Variants in BLTP3B observed in about 807,000 individuals in gnomAD.
BLTP3B encodes bridge-like lipid transfer protein family member 3B, also known as UHRF1 (ICBP90) binding protein 1-like.
the BLTP3B span, among the ~76,000 whole-genome samples, chr12:100,129,965 T>TC: frequency 7.2e-5 from 11 of 152,032 alleles, no homozygotes; most frequent in Admixed American, 2.0e-4. Context: ...TCCTTTTTCT[T>TC]CCCCCCCTTG....
the BLTP3B span, among the ~76,000 whole-genome samples, chr12:100,141,727 G>A: frequency 2.6e-5 from 4 of 152,022 alleles, no homozygotes; most frequent in African/African-American, 7.2e-5. Flanking sequence ...TAACAACTTG[G>A]AACAAGAGCC....
At chr12:100,043,268 T>A in the BLTP3B span, among the ~76,000 whole-genome samples, 1 of 152,248 alleles carries the variant, frequency 6.6e-6, no homozygotes, top group Non-Finnish European at 1.5e-5. Flanking sequence ...ATTTAAAGTA[T>A]GCCTGCATAA....
the BLTP3B span, among the ~76,000 whole-genome samples, chr12:100,135,251 C>T: frequency 1.2e-4 from 18 of 151,320 alleles, 1 homozygote; most frequent in Admixed American, 1.2e-3. Context: ...GGTCTCTTCT[C>T]AAATATTGCT....
At chr12:100,066,072 A>G in the BLTP3B span, among the ~76,000 whole-genome samples, 3 of 152,188 alleles carry the variant, frequency 2.0e-5, no homozygotes, top group Non-Finnish European at 2.9e-5. Flanking sequence ...AAGAACCTAC[A>G]TTGAAATACT....
the BLTP3B span, among the ~76,000 whole-genome samples, chr12:100,061,032 A>T: frequency 6.6e-6 from 1 of 152,218 alleles, no homozygotes. Flanking sequence ...AAACAAAAAA[A>T]TAGGGCATGG....
At chr12:100,111,933 G>C in the BLTP3B span, among the ~76,000 whole-genome samples, 1 of 151,808 alleles carries the variant, frequency 6.6e-6, no homozygotes, top group Non-Finnish European at 1.5e-5. Context: ...TTAAAGACAG[G>C]GACTCACTAT....
chr12:100,131,235 T>G, the BLTP3B span, among the ~76,000 whole-genome samples: 3 of 150,772 alleles, frequency 2.0e-5, no homozygotes, highest in Non-Finnish European at 4.4e-5. Flanking sequence ...TGCTAGAGCC[T>G]GGGAAGTTGA....
At chr12:100,096,381 T>C in the BLTP3B span, among the ~76,000 whole-genome samples, 2 of 152,210 alleles carry the variant, frequency 1.3e-5, no homozygotes, top group East Asian at 1.9e-4. Context: ...ATAGCACTTA[T>C]ATAACTTAAT....
the BLTP3B span, among the ~76,000 whole-genome samples, chr12:100,140,845 AT>A: frequency 3.4e-5 from 5 of 146,576 alleles, no homozygotes; most frequent in African/African-American, 7.6e-5. Flanking sequence ...TTTGTTCTTA[AT>A]TTTTTTTATT....
chr12:100,060,151 C>T, the BLTP3B span: 1 of 867,858 alleles, frequency 1.2e-6, no homozygotes, highest in Non-Finnish European at 1.6e-6. Flanking sequence ...TAAGATAAAA[C>T]AAATTTGAGG....
At chr12:100,040,109 A>C in the BLTP3B span, among the ~76,000 whole-genome samples, 1 of 152,200 alleles carries the variant, frequency 6.6e-6, no homozygotes, top group East Asian at 1.9e-4. Context: ...ATTAACTAAT[A>C]AACTTTTAGT....
At chr12:100,089,634 T>C in the BLTP3B span, among the ~76,000 whole-genome samples, 2 of 152,224 alleles carry the variant, frequency 1.3e-5, no homozygotes, top group African/African-American at 4.8e-5. Context: ...ATGAACCCAA[T>C]ATATCTCAGT....
chr12:100,098,476 C>T, the BLTP3B span: 1 of 1,614,046 alleles, frequency 6.2e-7, no homozygotes, highest in South Asian at 1.1e-5. Flanking sequence ...TGCTCCAATT[C>T]TGATGACTAT....
chr12:100,113,769 G>T, the BLTP3B span, among the ~76,000 whole-genome samples: 2 of 151,314 alleles, frequency 1.3e-5, no homozygotes, highest in Non-Finnish European at 2.9e-5. Flanking sequence ...ACTAGTCTGG[G>T]CAACATAGAG....
chr12:100,095,055 A>G, the BLTP3B span, among the ~76,000 whole-genome samples: 1 of 152,222 alleles, frequency 6.6e-6, no homozygotes, highest in African/African-American at 2.4e-5. Flanking sequence ...AATATTATCC[A>G]TTATAACTAT....
At chr12:100,099,366 G>A in the BLTP3B span, among the ~76,000 whole-genome samples, 6 of 151,202 alleles carry the variant, frequency 4.0e-5, no homozygotes, top group Admixed American at 2.6e-4. Context: ...GGTGGCTCAC[G>A]CCTGTAATCT....
At chr12:100,057,675 C>T in the BLTP3B span, 1 of 1,612,348 alleles carries the variant, frequency 6.2e-7, no homozygotes, top group Non-Finnish European at 8.5e-7. Flanking sequence ...TTGTGAAGAG[C>T]TTCTTTTCAT....
At chr12:100,049,925 A>G in the BLTP3B span, among the ~76,000 whole-genome samples, 1 of 152,174 alleles carries the variant, frequency 6.6e-6, no homozygotes, top group East Asian at 1.9e-4. Context: ...ATAAAACAAA[A>G]CAAAAATTTT....
the BLTP3B span, among the ~76,000 whole-genome samples, chr12:100,109,293 T>C: frequency 1.3e-5 from 2 of 150,412 alleles, no homozygotes; most frequent in African/African-American, 4.9e-5. Context: ...TCCCCAGCCA[T>C]GCAGAAGTGT....
Sources: allele counts gnomAD v4.1 joint callset (sites outside exome capture counted in the v4.1 genomes callset), GRCh38; gene constraint gnomAD v4.1.1; transcripts MANE v1.5; gene names NCBI Gene and HGNC (gene_info 2026-07-23, HGNC 2026-07-21).